The following DNAJC3 variants were observed in gnomAD, a reference collection of about 807,000 sequenced individuals.
DNAJC3 encodes the protein DnaJ heat shock protein family (Hsp40) member C3.
In DNAJC3, 38 loss-of-function variants were observed where a neutral mutation model predicts 68.6. The ratio of observed to expected loss-of-function variants is 0.55; its 90% CI spans 0.43 to 0.73. The LOEUF (loss-of-function observed/expected upper bound fraction) is 0.73. Among genes scored for constraint, DNAJC3 ranks in the 30% least tolerant of loss-of-function variants. DNAJC3 has a pLI of 0.00. For missense variants in DNAJC3, 526 were observed against 591.9 expected, an observed-to-expected ratio of 0.89 and a Z score of 1.16; for synonymous variants, 203 against 204.0, an observed-to-expected ratio of 1.00 and a Z score of 0.04.
At chr13:95,690,940 C>T (rs1195812563) in intron 1 of DNAJC3, among the ~76,000 whole-genome samples, 9 of 131,870 alleles carry the variant, frequency 6.8e-5, no homozygotes, top group South Asian at 2.5e-4. Flanking sequence ...ACCTCCCTCC[C>T]GGACGGGGCG....
intron 1 of DNAJC3, among the ~76,000 whole-genome samples, chr13:95,705,316 G>T (rs1880703135): frequency 6.6e-6 from 1 of 152,060 alleles, no homozygotes; most frequent in African/African-American, 2.4e-5. Context: ...CTGCATTGAT[G>T]TGCCCACCTA....
At chr13:95,782,194 A>G (rs941440947) in intron 9 of DNAJC3, among the ~76,000 whole-genome samples, 5 of 152,142 alleles carry the variant, frequency 3.3e-5, no homozygotes, top group African/African-American at 1.2e-4. Flanking sequence ...TTCTTTATCC[A>G]GTCTATCATT....
At chr13:95,773,099 T>C (rs961753871) in intron 9 of DNAJC3, among the ~76,000 whole-genome samples, 5 of 150,728 alleles carry the variant, frequency 3.3e-5, no homozygotes, top group African/African-American at 1.2e-4. Context: ...GTCTTGGAAG[T>C]TGGTTTTTGA....
At chr13:95,744,379 A>T (rs1166773985) in intron 4 of DNAJC3, among the ~76,000 whole-genome samples, 4 of 152,330 alleles carry the variant, frequency 2.6e-5, no homozygotes, top group African/African-American at 9.6e-5. Context: ...AAATTTCAAA[A>T]CTACAAGTCA....
intron 2 of DNAJC3, among the ~76,000 whole-genome samples, chr13:95,717,696 G>A (rs1881196207): frequency 6.6e-6 from 1 of 152,162 alleles, no homozygotes; most frequent in African/African-American, 2.4e-5. Context: ...TAAGTCTCAC[G>A]AGATCTGAAG....
chr13:95,739,631 C>T (rs1342092860), intron 4 of DNAJC3, among the ~76,000 whole-genome samples: 7 of 152,122 alleles, frequency 4.6e-5, no homozygotes, highest in Admixed American at 4.6e-4. Flanking sequence ...CCTGAGGCTT[C>T]TGCATTCTTG....
At chr13:95,763,544 G>T in intron 7 of DNAJC3, 99 bp from the exon 8 acceptor site, 2 of 1,115,176 alleles carry the variant, frequency 1.8e-6, no homozygotes, top group Non-Finnish European at 1.3e-6. Flanking sequence ...TCATCCAATT[G>T]GATTGATTAA....
intron 4 of DNAJC3, among the ~76,000 whole-genome samples, chr13:95,733,692 G>A (rs962193912): frequency 4.8e-5 from 7 of 145,564 alleles, no homozygotes; most frequent in African/African-American, 1.8e-4. Context: ...GAGCCACTGT[G>A]CCTGGCCTGT....
chr13:95,727,107 G>A (rs1881553497), intron 4 of DNAJC3, among the ~76,000 whole-genome samples: 2 of 152,082 alleles, frequency 1.3e-5, no homozygotes, highest in South Asian at 4.1e-4. Context: ...AGAACGTGTT[G>A]CATAAACATT....
intron 2 of DNAJC3, among the ~76,000 whole-genome samples, chr13:95,719,572 C>T (rs1018674784): frequency 2.6e-5 from 4 of 152,122 alleles, no homozygotes; most frequent in East Asian, 1.9e-4. Context: ...CCAGCCGTTT[C>T]GTTAGTATAC....
chr13:95,734,762 G>GC (rs1881836636), intron 4 of DNAJC3, among the ~76,000 whole-genome samples: 1 of 148,174 alleles, frequency 6.7e-6, no homozygotes, highest in African/African-American at 2.5e-5. Context: ...CAAAGGACCT[G>GC]TCTTCAAGTT....
chr13:95,778,704 A>T (rs1278486503), intron 9 of DNAJC3, among the ~76,000 whole-genome samples: 1 of 152,182 alleles, frequency 6.6e-6, no homozygotes, highest in African/African-American at 2.4e-5. Flanking sequence ...AAAACACCAA[A>T]ATGTGTGCCC....
At chr13:95,681,153 G>A (rs181662653) in intron 1 of DNAJC3, among the ~76,000 whole-genome samples, 2 of 152,270 alleles carry the variant, frequency 1.3e-5, no homozygotes, top group East Asian at 3.9e-4. Flanking sequence ...GCTTTAGACT[G>A]AGTGGTCCAT....
At chr13:95,723,717 A>T (rs1881419548) in intron 3 of DNAJC3, among the ~76,000 whole-genome samples, 1 of 152,224 alleles carries the variant, frequency 6.6e-6, no homozygotes, top group East Asian at 1.9e-4. Flanking sequence ...GACTGGCAGC[A>T]GTTGCACTTA....
chr13:95,753,109 C>T (rs1049331142), intron 4 of DNAJC3, among the ~76,000 whole-genome samples: 6 of 152,142 alleles, frequency 3.9e-5, no homozygotes, highest in Non-Finnish European at 7.4e-5. Flanking sequence ...CCTGCTCTCT[C>T]CCCACCCCTA....
intron 4 of DNAJC3, chr13:95,744,876 C>A (rs1882255871): frequency 6.6e-6 from 1 of 152,100 alleles, no homozygotes; most frequent in Non-Finnish European, 1.5e-5. Context: ...GACCACTGGT[C>A]ATTAAGTTGA....
At chr13:95,755,755 TC>T (rs1882636680) in intron 4 of DNAJC3, among the ~76,000 whole-genome samples, 1 of 26,560 alleles carries the variant, frequency 3.8e-5, no homozygotes, top group Non-Finnish European at 6.4e-5. Context: ...AGACGCCGTC[TC>T]AAAAAAAAAA....
At position 95,760,022 on chromosome 13, in the gene DNAJC3, G is replaced by A. The variant is rs776278022; in HGVS notation, c.547-18G>A. 6 of 1,555,446 alleles carry A rather than the reference G, an allele frequency of 3.9e-6. No individual in the cohort carries two copies. In the South Asian group the frequency reaches 7.4e-5, roughly 19 times the overall value. On this transcript the variant is annotated intron_variant, in intron 5 of 11. Transcript: ENST00000602402. Reference sequence around the variant, plus strand: ...ATAATTTATTCTTTCTTAAAGTCTAGTTCTTTTGTTCCTCAAGGTTTGTGT... The same window carrying A: ...ATAATTTATTCTTTCTTAAAGTCTAATTCTTTTGTTCCTCAAGGTTTGTGT...
intron 1 of DNAJC3, chr13:95,693,447 C>T (rs1212666022): frequency 1.3e-5 from 2 of 152,100 alleles, no homozygotes; most frequent in Non-Finnish European, 1.5e-5. Context: ...CTTCACAACT[C>T]TAATTATTAA....
Sources: gnomAD v4.1 joint callset for allele counts (sites outside exome capture counted in the v4.1 genomes callset) on GRCh38, gnomAD v4.1.1 for gene constraint, MANE v1.5 for transcripts, NCBI Gene and HGNC (gene_info 2026-07-23, HGNC 2026-07-21) for gene names.